Variants in NTNG1 observed in about 807,000 individuals in gnomAD.
NTNG1 encodes the protein netrin G1.
In NTNG1, 16 loss-of-function variants were observed where a neutral mutation model predicts 54.0. The ratio of observed to expected loss-of-function variants is 0.30; its 90% confidence interval spans 0.20 to 0.45. The LOEUF is 0.45. Ranked by LOEUF, NTNG1 falls within the 20% of genes least tolerant of loss-of-function variation. The probability of loss-of-function intolerance (pLI) is 1.00; values close to 1 mark genes in which losing one functional copy is unlikely to be tolerated. For synonymous variants in NTNG1, 255 were observed against 263.1 expected, an observed-to-expected ratio of 0.97 and a Z score of 0.30; for missense variants, 530 against 678.7, an observed-to-expected ratio of 0.78 and a Z score of 2.43.
chr1:107,431,100 G>C (rs1675234810), intron 6 of NTNG1, among the ~76,000 whole-genome samples, 183 bp downstream of exon 6: 2 of 151,938 alleles, frequency 1.3e-5, no homozygotes, highest in African/African-American at 4.8e-5. Context: ...CATAGTTGGG[G>C]GATATACTTT....
chr1:107,223,813 G>A (rs561697097), intron 2 of NTNG1, among the ~76,000 whole-genome samples: 1 of 152,270 alleles, frequency 6.6e-6, no homozygotes, highest in South Asian at 2.1e-4. Context: ...AGGTAGAGGT[G>A]TTGTCAGGTG....
In NTNG1 at chr1:107,414,557, A is replaced by G. The variant is rs182453891; in HGVS notation, c.1087+6849A>G. Reference sequence around the variant, plus strand: ...ATTGGATTATTCTCTAAATTAAGCTATATCTTAAGAGATCTTTTTAACTTA... The same window carrying G: ...ATTGGATTATTCTCTAAATTAAGCTGTATCTTAAGAGATCTTTTTAACTTA... On this transcript the variant is annotated intron_variant, in intron 5 of 7. Transcript: ENST00000370068. 4.0e-3 allele frequency among the ~76,000 whole-genome samples: 605 copies of G among 152,312 alleles called. 6 individuals carry two copies. In the Middle Eastern group the frequency reaches 0.041, roughly 10 times the overall value.
At chr1:107,162,322 G>A (rs923549203) in intron 2 of NTNG1, among the ~76,000 whole-genome samples, 1 of 151,970 alleles carries the variant, frequency 6.6e-6, no homozygotes, top group African/African-American at 2.4e-5. Context: ...TCCTTAATAA[G>A]TTTTGTCGTG....
intron 2 of NTNG1, among the ~76,000 whole-genome samples, chr1:107,236,117 G>A (rs1023066059): frequency 1.2e-4 from 18 of 152,078 alleles, no homozygotes; most frequent in Admixed American, 3.3e-4. Flanking sequence ...TGTTCAATCT[G>A]CAGAAAATAA....
chr1:107,184,318 G>A (rs961530760), intron 2 of NTNG1, among the ~76,000 whole-genome samples: 2 of 152,092 alleles, frequency 1.3e-5, no homozygotes, highest in African/African-American at 4.8e-5. Context: ...AGGGAGACAT[G>A]GGAGACACAC....
intron 7 of NTNG1, among the ~76,000 whole-genome samples, chr1:107,457,016 T>G (rs1676996137): frequency 6.6e-6 from 1 of 152,248 alleles, no homozygotes; most frequent in South Asian, 2.1e-4. Context: ...GGCTTCCTTT[T>G]TATTCTATCA....
chr1:107,252,447 A>G (rs1251176898), intron 2 of NTNG1, among the ~76,000 whole-genome samples: 2 of 152,176 alleles, frequency 1.3e-5, no homozygotes, highest in Admixed American at 1.3e-4. Flanking sequence ...GCCAATATCT[A>G]AGAACAGGAA....
At chr1:107,287,139 A>G (rs1474000896) in intron 2 of NTNG1, among the ~76,000 whole-genome samples, 1 of 152,168 alleles carries the variant, frequency 6.6e-6, no homozygotes, top group African/African-American at 2.4e-5. Flanking sequence ...AAGAAGAAGA[A>G]TAGGGTGTTC....
intron 7 of NTNG1, among the ~76,000 whole-genome samples, chr1:107,437,573 C>T (rs1323243984): frequency 6.6e-6 from 1 of 152,126 alleles, no homozygotes; most frequent in African/African-American, 2.4e-5. Flanking sequence ...AGTATTAAAG[C>T]ACCACAAGAC....
intron 5 of NTNG1, among the ~76,000 whole-genome samples, chr1:107,423,750 G>A (rs1349708959): frequency 6.6e-6 from 1 of 152,082 alleles, no homozygotes; most frequent in East Asian, 1.9e-4. Context: ...GACATGTAGT[G>A]AACTCTCAGC....
chr1:107,395,792 A>G (rs1054286628), intron 4 of NTNG1, among the ~76,000 whole-genome samples: 2 of 152,190 alleles, frequency 1.3e-5, no homozygotes, highest in African/African-American at 4.8e-5. Flanking sequence ...AGTTTTAGCT[A>G]GGACCTAACT....
At chr1:107,470,785 G>A (rs1677930252) in intron 7 of NTNG1, among the ~76,000 whole-genome samples, 1 of 152,212 alleles carries the variant, frequency 6.6e-6, no homozygotes, top group Admixed American at 6.5e-5. Context: ...GTCTGTGTCT[G>A]TGTCTGAAGG....
At chr1:107,175,629 A>C (rs1656590368) in intron 2 of NTNG1, among the ~76,000 whole-genome samples, 1 of 151,890 alleles carries the variant, frequency 6.6e-6, no homozygotes, top group East Asian at 1.9e-4. Context: ...TTTCTAAGAA[A>C]GGCAAGTTAC....
chr1:107,426,772 A>G (rs910835705), intron 5 of NTNG1, among the ~76,000 whole-genome samples: 7 of 152,004 alleles, frequency 4.6e-5, no homozygotes, highest in Admixed American at 3.9e-4. Flanking sequence ...TGCTTTGAGT[A>G]ATGGGTGATT....
chr1:107,413,224 G>A (rs566994820), intron 5 of NTNG1, among the ~76,000 whole-genome samples: 4 of 150,522 alleles, frequency 2.7e-5, no homozygotes, highest in Admixed American at 1.3e-4. Flanking sequence ...GTGCAGTGAC[G>A]CAGTCTCAGC....
intron 2 of NTNG1, among the ~76,000 whole-genome samples, chr1:107,220,985 A>T (rs895626760): frequency 6.6e-6 from 1 of 152,138 alleles, no homozygotes; most frequent in Non-Finnish European, 1.5e-5. Context: ...TATTATTATC[A>T]ATGTAACCTT....
At chr1:107,449,138 AACTT>A (rs1676472973) in intron 7 of NTNG1, among the ~76,000 whole-genome samples, 2 of 145,876 alleles carry the variant, frequency 1.4e-5, no homozygotes, top group South Asian at 4.5e-4. Flanking sequence ...CTTGTTGAAA[AACTT>A]TCTTTCTCAG....
chr1:107,182,320 T>C (rs1657132323), intron 2 of NTNG1, among the ~76,000 whole-genome samples: 1 of 152,158 alleles, frequency 6.6e-6, no homozygotes, highest in African/African-American at 2.4e-5. Context: ...ACATGCCACA[T>C]GTTTAATGAT....
chr1:107,239,707 A>G (rs1030928185), intron 2 of NTNG1, among the ~76,000 whole-genome samples: 4 of 152,242 alleles, frequency 2.6e-5, no homozygotes, highest in Non-Finnish European at 4.4e-5. Context: ...ACAAGAAGCC[A>G]TCACTGACTT....
Sources: gnomAD v4.1 joint callset for allele counts (sites outside exome capture counted in the v4.1 genomes callset) on GRCh38, gnomAD v4.1.1 for gene constraint, MANE v1.5 for transcripts, NCBI Gene and HGNC (gene_info 2026-07-23, HGNC 2026-07-21) for gene names.